The following CDRT4 variants were observed in gnomAD, a reference collection of about 807,000 sequenced individuals.
CDRT4 encodes CMT1A duplicated region transcript 4 protein.
For missense variants in CDRT4, 167 were observed against 193.1 expected (o/e 0.87, Z 0.80); for synonymous variants, 64 against 69.6 (o/e 0.92, Z 0.40).
At position 15,453,371 on chromosome 17, in the gene CDRT4, G is replaced by A. The variant is rs557995235; in HGVS notation, c.-129-286C>T. 2.6e-5 allele frequency among the ~76,000 whole-genome samples: 4 copies of A among 152,230 alleles called. No homozygotes were observed. In the South Asian group the frequency reaches 8.3e-4, roughly 32 times the overall value. On this transcript the variant is annotated intron_variant, in intron 1 of 3. Coordinates refer to ENST00000619038, the MANE Select transcript of CDRT4 (RefSeq NM_001204477.2). ...ACTATCCACATAGAAAATATGTGTG[G>A]GTAACATGCCAGGAAATCCTGAAGT...
intron 1 of CDRT4, among the ~76,000 whole-genome samples, chr17:15,458,639 G>A (rs1176851389): frequency 6.6e-6 from 1 of 152,136 alleles, no homozygotes; most frequent in East Asian, 1.9e-4. Context: ...CCCCGTGACA[G>A]CCACGGTGTT....
chr17:15,440,518 T>C (rs1313576587), intron 2 of CDRT4, among the ~76,000 whole-genome samples: 1 of 152,108 alleles, frequency 6.6e-6, no homozygotes, highest in Non-Finnish European at 1.5e-5. Flanking sequence ...TGATAGTCTC[T>C]GGGTGTTCTG....
Position 15,437,710 on chromosome 17 carries a change from A to G in CDRT4, c.*63T>C. 2.0e-6 allele frequency: 3 copies of G among 1,518,810 alleles called. No homozygotes were observed. The highest frequency in any genetic ancestry group is 2.7e-6 in the Non-Finnish European group (3 of 1,106,754). The allele number at this position is 1,518,810 out of a possible 1,614,324, so 94.1% of individuals were successfully genotyped here. A position where few individuals can be genotyped will look rare whatever the true frequency, so the allele number is the denominator to read the frequency against. Reference sequence around the variant, plus strand: ...GTGGTAAATGGAGCTTAACTTTTGTACGTTCTTGGGGAATGGCTGCAGGGA... The same window carrying G: ...GTGGTAAATGGAGCTTAACTTTTGTGCGTTCTTGGGGAATGGCTGCAGGGA... On this transcript the variant is annotated 3_prime_UTR_variant, in exon 4 of 4. Coordinates refer to ENST00000619038, the MANE Select transcript of CDRT4 (RefSeq NM_001204477.2).
chr17:15,450,077 T>C lies in CDRT4; in HGVS notation c.-48+2927A>G, dbSNP rs556986693. ...TATATTCCTTCAGGTAGATTCCCAG[T>C]AGTGGAACTGTTGTGTCCAATGGTA... On this transcript the variant is annotated intron_variant, in intron 2 of 3. Coordinates refer to ENST00000619038, the MANE Select transcript of CDRT4 (RefSeq NM_001204477.2). The surrounding 1 kb of genome is among the most constrained non-coding windows in gnomAD (Gnocchi z 4.2). Among the ~76,000 whole-genome samples the C allele has an allele frequency of 6.6e-6, 1 of 152,356 alleles. No homozygotes were observed. The highest frequency in any genetic ancestry group is 2.1e-4 in the South Asian group (1 of 4,822).
In CDRT4 at chr17:15,456,986, G is replaced by GATGGGATT. The variant is rs201886748; in HGVS notation, c.-129-3909_-129-3902dup. 5.6e-4 allele frequency among the ~76,000 whole-genome samples: 85 copies of GATGGGATT among 152,316 alleles called. 1 individual carries two copies. In the East Asian group the frequency reaches 0.013, roughly 24 times the overall value. On this transcript the variant is annotated intron_variant, in intron 1 of 3. Coordinates refer to ENST00000619038, the MANE Select transcript of CDRT4 (RefSeq NM_001204477.2). Reference sequence around the variant, plus strand: ...ACCTCTGCAAGGTTGTGTGGTCAGAGATGGGATTACGCACTGCTCAGCACC... The same window carrying GATGGGATT: ...ACCTCTGCAAGGTTGTGTGGTCAGAGATGGGATTATGGGATTACGCACTGCTCAGCACC...
chr17:15,451,425 T>C (rs573340215), intron 2 of CDRT4, among the ~76,000 whole-genome samples: 48 of 152,178 alleles, frequency 3.2e-4, no homozygotes, highest in African/African-American at 1.1e-3. Context: ...CCCAGAGTGA[T>C]TATTTTTAAA....
chr17:15,457,301 C>A (rs1979530536), intron 1 of CDRT4, among the ~76,000 whole-genome samples: 2 of 152,194 alleles, frequency 1.3e-5, no homozygotes, highest in South Asian at 2.1e-4. Context: ...CAAGCCCTGA[C>A]CTTCCAAAAA....
At position 15,437,651 on chromosome 17, in the gene CDRT4, A is replaced by G; in HGVS notation, c.*122T>C. 9.6e-7 allele frequency: 1 copy of G among 1,045,354 alleles called. No homozygotes were observed. Among genetic ancestry groups the G allele is most frequent in the Non-Finnish European group, 1.4e-6 (1 of 723,504 alleles). The allele number at this position is 1,045,354 out of a possible 1,614,324, so 64.8% of individuals were successfully genotyped here. ...CTTAGCCAAGCTCCGCATGAGCAAGAGCAAGTTCAGATTTAAAGGACACTG... is the reference window on the plus strand; with the variant it reads ...CTTAGCCAAGCTCCGCATGAGCAAGGGCAAGTTCAGATTTAAAGGACACTG... On this transcript the variant is annotated 3_prime_UTR_variant, in exon 4 of 4. Coordinates refer to ENST00000619038, the MANE Select transcript of CDRT4 (RefSeq NM_001204477.2).
Position 15,440,138 on chromosome 17 carries a change from C to G in CDRT4, c.31+70G>C, listed in dbSNP as rs1978688581. 4.0e-6 allele frequency: 6 copies of G among 1,506,678 alleles called. No homozygotes were observed. The East Asian group carries it at 1.4e-4, about 36-fold the overall frequency. The allele number at this position is 1,506,678 out of a possible 1,614,324, so 93.3% of individuals were successfully genotyped here. On this transcript the variant is annotated intron_variant, in intron 3 of 3. Coordinates refer to ENST00000619038, the MANE Select transcript of CDRT4 (RefSeq NM_001204477.2). The stretch of plus-strand genomic sequence containing the variant: ...AGAGTGGCCGCCCAGTGGCCTCTTC[C>G]CACTGCGAATCCTCCAACCCTAGAC...
At chr17:15,466,268 A>T (rs1414519328) in intron 1 of CDRT4, among the ~76,000 whole-genome samples, 1 of 152,130 alleles carries the variant, frequency 6.6e-6, no homozygotes, top group East Asian at 1.9e-4. Flanking sequence ...ACAAGTGTAA[A>T]GCAAGAGCTT....
intron 1 of CDRT4, among the ~76,000 whole-genome samples, chr17:15,466,851 GATTA>G (rs371975307): frequency 1.5e-4 from 23 of 152,312 alleles, no homozygotes; most frequent in South Asian, 4.1e-4. Flanking sequence ...TTACAAGCAT[GATTA>G]ATTATTTTTA....
chr17:15,448,856 G>C (rs565882772), intron 2 of CDRT4, among the ~76,000 whole-genome samples: 3 of 152,308 alleles, frequency 2.0e-5, no homozygotes, highest in African/African-American at 7.2e-5. Flanking sequence ...CCTTTGCGCT[G>C]TTCCCTGTCA....
chr17:15,444,134 A>G (rs952117026), intron 2 of CDRT4: 34 of 1,290,250 alleles, frequency 2.6e-5, no homozygotes, highest in Non-Finnish European at 3.1e-5. Context: ...CAATCAGGAA[A>G]TTTTTGGATG....
intron 2 of CDRT4, among the ~76,000 whole-genome samples, chr17:15,451,599 C>T (rs770766694): frequency 2.0e-5 from 3 of 152,224 alleles, no homozygotes; most frequent in African/African-American, 7.2e-5. Flanking sequence ...CCCGGCCACA[C>T]TGGCCTTGCC....
intron 1 of CDRT4, among the ~76,000 whole-genome samples, chr17:15,457,103 T>C (rs1979520463): frequency 6.6e-6 from 1 of 152,088 alleles, no homozygotes; most frequent in South Asian, 2.1e-4. Flanking sequence ...GGTTTCCTCC[T>C]GGGTAAAAAT....
At chr17:15,458,259 A>T (rs1273261625) in intron 1 of CDRT4, among the ~76,000 whole-genome samples, 4 of 152,162 alleles carry the variant, frequency 2.6e-5, no homozygotes, top group Non-Finnish European at 5.9e-5. Context: ...GTCTATAAGG[A>T]ATCTTGGAAA....
In CDRT4 at chr17:15,455,158, C is replaced by T. The variant is rs540083277; in HGVS notation, c.-129-2073G>A. ...AAACAAGTGTGGATGCTGTCTTGGGCTCATCTGCTTTCCTTGGAGTGGAGC... is the reference window on the plus strand; with the variant it reads ...AAACAAGTGTGGATGCTGTCTTGGGTTCATCTGCTTTCCTTGGAGTGGAGC... On this transcript the variant is annotated intron_variant, in intron 1 of 3. Coordinates refer to ENST00000619038, the MANE Select transcript of CDRT4 (RefSeq NM_001204477.2). Among the ~76,000 whole-genome samples, 22 of 152,132 alleles carry T rather than the reference C, an allele frequency of 1.4e-4. No individual in the cohort carries two copies. The South Asian group carries it at 4.4e-3, about 30-fold the overall frequency.
chr17:15,449,805 T>C (rs1979184747), intron 2 of CDRT4, among the ~76,000 whole-genome samples: 1 of 152,206 alleles, frequency 6.6e-6, no homozygotes, highest in Non-Finnish European at 1.5e-5. Context: ...AGTGAGAACA[T>C]GTGATATTTT....
rs199516358 is a variant in CDRT4, at chr17:15,437,814, G to A, written c.418C>T (p.Arg140Cys). ...GGGAGCATCCTCATCATAGGCTTGC[G>A]GGCAAAGATGATCTTGTTATAGTTT... is the stretch of plus-strand genomic sequence containing the variant. The part of the protein sequence containing the change: ...TENYNKIIFA[R>C]KPMMRMLPTV... Residue 140 changes from arginine (R) to cysteine (C), a missense_variant, in exon 4 of 4, where the codon CGC becomes TGC. By Grantham distance (180) the Arg-to-Cys change is radical. Transcript: ENST00000619038. 113 of 1,614,110 alleles carry A rather than the reference G, an allele frequency of 7.0e-5. No individual in the cohort carries two copies. The South Asian group carries it at 8.5e-4, about 12-fold the overall frequency.
Sources: allele counts gnomAD v4.1 joint callset (sites outside exome capture counted in the v4.1 genomes callset), GRCh38; gene constraint gnomAD v4.1.1; non-coding constraint Gnocchi (gnomAD v3.1); transcripts MANE v1.5; gene names NCBI Gene and HGNC (gene_info 2026-07-23, HGNC 2026-07-21).